Variants in ANXA7 observed in about 807,000 individuals in gnomAD.
ANXA7 encodes the protein annexin A7.
Under a neutral mutation model 64.9 loss-of-function variants are expected in ANXA7, and 55 were observed. That is an observed-to-expected ratio of 0.85 (90% CI 0.68 to 1.06). ANXA7 has a LOEUF of 1.06. Ranked by LOEUF, ANXA7 falls within the 50% of genes least tolerant of loss-of-function variation. ANXA7 has a pLI of 0.00. For synonymous variants in ANXA7, 200 were observed against 192.4 expected (o/e 1.04, Z -0.33); for missense variants, 548 against 582.1 (o/e 0.94, Z 0.60).
chr10:73,388,711 G>A (rs1385738219), intron 5 of ANXA7, among the ~76,000 whole-genome samples: 1 of 152,126 alleles, frequency 6.6e-6, no homozygotes, highest in Non-Finnish European at 1.5e-5. Context: ...CTTTTTGGTA[G>A]AATAGGAAGA....
intron 9 of ANXA7, among the ~76,000 whole-genome samples, chr10:73,382,552 C>T (rs369490185): frequency 6.6e-6 from 1 of 151,972 alleles, no homozygotes; most frequent in Non-Finnish European, 1.5e-5. Flanking sequence ...TGCTATGGTA[C>T]CCAAGCTGGC....
chr10:73,382,563 T>A (rs1159284420), intron 9 of ANXA7, among the ~76,000 whole-genome samples: 1 of 152,060 alleles, frequency 6.6e-6, no homozygotes, highest in Non-Finnish European at 1.5e-5. Flanking sequence ...CCAAGCTGGC[T>A]TCAAACTCCT....
In ANXA7 at chr10:73,379,806, T is replaced by G. The variant is rs754954532; in HGVS notation, c.1165+73A>C. ...TTCCACGTGGACTATATTATCAACA[T>G]TTAATGGGAACAACTATTCAAAGCT... On this transcript the variant is annotated intron_variant, in intron 11 of 12. Transcript: ENST00000372921. 4 of 1,403,826 alleles carry G rather than the reference T, an allele frequency of 2.8e-6. No individual in the cohort carries two copies. In the East Asian group the frequency reaches 9.1e-5, roughly 32 times the overall value. The allele number at this position is 1,403,826 out of a possible 1,614,324, so 87.0% of individuals were successfully genotyped here. A position where few individuals can be genotyped will look rare whatever the true frequency, so the allele number is the denominator to read the frequency against.
Position 73,376,006 on chromosome 10 carries a change from G to T in ANXA7, c.*89C>A. The T allele has an allele frequency of 8.8e-7, 1 of 1,141,046 alleles. No individual in the cohort carries two copies. Among genetic ancestry groups the T allele is most frequent in the Non-Finnish European group, 1.2e-6 (1 of 841,044 alleles). The allele number at this position is 1,141,046 out of a possible 1,614,324, so 70.7% of individuals were successfully genotyped here. ...TGACAGAAAGCTCTTTCGGTTAGCT[G>T]ATGTTTGATATTGCTGCATGCAGGT... On this transcript the variant is annotated 3_prime_UTR_variant, in exon 13 of 13. Coordinates refer to ENST00000372921, the MANE Select transcript of ANXA7 (RefSeq NM_001156.5).
At chr10:73,392,890 TAGGAAAAG>T (rs1163662145) in intron 5 of ANXA7, among the ~76,000 whole-genome samples, 2 of 152,148 alleles carry the variant, frequency 1.3e-5, no homozygotes, top group African/African-American at 4.8e-5. Context: ...GGTATTCAAT[TAGGAAAAG>T]AGGAAGTCAA....
chr10:73,413,080 C>A (rs2055869664), intron 1 of ANXA7, among the ~76,000 whole-genome samples: 1 of 152,056 alleles, frequency 6.6e-6, no homozygotes, highest in African/African-American at 2.4e-5. Context: ...CATTTAAATC[C>A]GTCAGTGATG....
rs369588872 is a variant in ANXA7, at chr10:73,399,589, G to A, written c.55-1204C>T. On this transcript the variant is annotated intron_variant, in intron 2 of 12. Transcript: ENST00000372921. The stretch of plus-strand genomic sequence containing the variant: ...TGTAATCCCAGCGCTTTGGGAGGCC[G>A]AGGTGGGCGGATCACGAGGTCAGGA... 1.9e-4 allele frequency among the ~76,000 whole-genome samples: 29 copies of A among 151,378 alleles called. No homozygotes were observed. The East Asian group carries it at 3.6e-3, about 19-fold the overall frequency.
intron 12 of ANXA7, among the ~76,000 whole-genome samples, chr10:73,378,127 C>A (rs1181186781): frequency 6.6e-6 from 1 of 151,832 alleles, no homozygotes; most frequent in Non-Finnish European, 1.5e-5. Flanking sequence ...GTGATCCCAG[C>A]ACTTTGGGAG....
intron 1 of ANXA7, among the ~76,000 whole-genome samples, chr10:73,404,916 A>G (rs1326222081): frequency 6.6e-6 from 1 of 152,150 alleles, no homozygotes; most frequent in East Asian, 1.9e-4. Flanking sequence ...GTCAGAGACC[A>G]GCCTGACCAA....
chr10:73,379,761 T>C (rs1046785255), intron 11 of ANXA7, 118 bp downstream of exon 11: 3 of 975,638 alleles, frequency 3.1e-6, no homozygotes, highest in African/African-American at 3.3e-5. Context: ...AAGGATTAGA[T>C]CAGCTACTGC....
In ANXA7 at chr10:73,376,075, TAA is replaced by T. The variant is rs751811147; in HGVS notation, c.*18_*19del. 1,654 of 1,288,956 alleles carry T rather than the reference TAA, an allele frequency of 1.3e-3. No individual in the cohort carries two copies. The highest frequency in any genetic ancestry group is 3.6e-3 in the South Asian group (234 of 65,026). 79.8% of individuals were successfully genotyped at this position (1,288,956 alleles called of 1,614,324 possible). A position where few individuals can be genotyped will look rare whatever the true frequency, so the allele number is the denominator to read the frequency against. On this transcript the variant is annotated 3_prime_UTR_variant, in exon 13 of 13. Transcript: ENST00000372921. ...GCTATGAATAGAAATTTTTTTTCAT[TAA>T]AAAAAAAAAAATCCCTCCTACTGGC...
Position 73,376,234 on chromosome 10 carries a change from AT to A in ANXA7, c.1279-18del. 6.5e-7 allele frequency: 1 copy of A among 1,545,214 alleles called. No homozygotes were observed. Among genetic ancestry groups the A allele is most frequent in the Non-Finnish European group, 8.7e-7 (1 of 1,151,042 alleles). On this transcript the variant is annotated intron_variant, in intron 12 of 12. Transcript: ENST00000372921. ...AAGGTCAATCTGCATAAGAAATAAT[AT>A]TTCTGTCAGAAAAACATCTGTGACA...
Position 73,397,219 on chromosome 10 carries a change from A to G in ANXA7, c.315T>C (p.Tyr105=). 1.2e-6 allele frequency: 2 copies of G among 1,612,748 alleles called. No homozygotes were observed. Among genetic ancestry groups the G allele is most frequent in the Non-Finnish European group, 1.7e-6 (2 of 1,179,194 alleles). Residue 105 remains tyrosine, a synonymous_variant, in exon 4 of 13, where the codon TAT becomes TAC. Coordinates refer to ENST00000372921, the MANE Select transcript of ANXA7 (RefSeq NM_001156.5). ...VPPGGAGFSG[Y]PQPPSQSYGG... ...CATAAGACTGTGAAGGTGGCTGTGG[A>G]TACCCAGAAAAGCCTGCTCCACCTG...
At position 73,402,657 on chromosome 10, in the gene ANXA7, AT is replaced by A. The variant is rs1462094344; in HGVS notation, c.-1-1801del. 3.3e-5 allele frequency among the ~76,000 whole-genome samples: 5 copies of A among 152,332 alleles called. No homozygotes were observed. In the East Asian group the frequency reaches 9.6e-4, roughly 29 times the overall value. The stretch of plus-strand genomic sequence containing the variant: ...AACATTCTCTGGATTCTAAAGTCAA[AT>A]CTACAAAACAAGATATGTTCAGAAA... On this transcript the variant is annotated intron_variant, in intron 1 of 12. Transcript: ENST00000372921.
intron 5 of ANXA7, among the ~76,000 whole-genome samples, chr10:73,390,809 G>A (rs1263165204): frequency 2.7e-5 from 4 of 149,852 alleles, no homozygotes; most frequent in African/African-American, 9.8e-5. Flanking sequence ...ATTCTCTGCC[G>A]AAAGTCTAAG....
chr10:73,400,747 C>T, intron 2 of ANXA7, 56 bp downstream of exon 2: 3 of 1,401,470 alleles, frequency 2.1e-6, no homozygotes, highest in Non-Finnish European at 3.0e-6. Context: ...CTGACATGGG[C>T]CAGTCCCAAA....
In ANXA7 at chr10:73,378,813, T is replaced by C. The variant is rs1197675790; in HGVS notation, c.1278+98A>G. 9.4e-6 allele frequency: 8 copies of C among 849,300 alleles called. No homozygotes were observed. The African/African-American group carries it at 1.2e-4, about 13-fold the overall frequency. The allele number at this position is 849,300 out of a possible 1,614,324, so 52.6% of individuals were successfully genotyped here. A position where few individuals can be genotyped will look rare whatever the true frequency, so the allele number is the denominator to read the frequency against. On this transcript the variant is annotated intron_variant, in intron 12 of 12. Transcript: ENST00000372921. ...TTAGGTGGCAAAGAGAGCTCTTTCTTATCATTTTTGAGGGACTGACAACCA... is the reference window on the plus strand; with the variant it reads ...TTAGGTGGCAAAGAGAGCTCTTTCTCATCATTTTTGAGGGACTGACAACCA...
At chr10:73,389,515 T>TA (rs1275596229) in intron 5 of ANXA7, among the ~76,000 whole-genome samples, 18 of 152,234 alleles carry the variant, frequency 1.2e-4, no homozygotes, top group African/African-American at 4.1e-4. Context: ...AGAATCTGAG[T>TA]AAAGGGTATA....
intron 11 of ANXA7, 111 bp downstream of exon 11, chr10:73,379,768 C>T: frequency 9.6e-7 from 1 of 1,043,690 alleles, no homozygotes; most frequent in Non-Finnish European, 1.5e-6. Context: ...AGATCAGCTA[C>T]TGCCTAAGCA....
Sources: allele counts gnomAD v4.1 joint callset (sites outside exome capture counted in the v4.1 genomes callset), GRCh38; gene constraint gnomAD v4.1.1; transcripts MANE v1.5; gene names NCBI Gene and HGNC (gene_info 2026-07-23, HGNC 2026-07-21).